RGS20: variants seen among roughly 807,000 people sequenced by gnomAD.
RGS20 encodes the protein regulator of G protein signaling 20.
Under a neutral mutation model 33.6 loss-of-function variants are expected in RGS20, and 30 were observed. The observed-to-expected ratio is 0.89, with a 90% CI of 0.67 to 1.21. RGS20 has a LOEUF of 1.21. Ranked by LOEUF, RGS20 falls within the 50% of genes most tolerant of loss-of-function variation. RGS20 has a pLI of 0.00. For missense variants in RGS20, 472 were observed against 502.4 expected, an observed-to-expected ratio of 0.94 and a Z score of 0.58; for synonymous variants, 208 against 197.9, an observed-to-expected ratio of 1.05 and a Z score of -0.43.
intron 2 of RGS20, among the ~76,000 whole-genome samples, chr8:53,918,450 G>A (rs989116080): frequency 6.6e-6 from 1 of 150,944 alleles, no homozygotes; most frequent in Non-Finnish European, 1.5e-5. Context: ...GTACAATGGT[G>A]CAATCTCAGC....
chr8:53,899,387 T>C (rs1194948330), intron 2 of RGS20, among the ~76,000 whole-genome samples: 1 of 152,262 alleles, frequency 6.6e-6, no homozygotes, highest in Non-Finnish European at 1.5e-5. Context: ...ACTCACAACC[T>C]GCATTTCTGT....
At chr8:53,858,937 T>C (rs915667037) in intron 1 of RGS20, among the ~76,000 whole-genome samples, 1 of 129,428 alleles carries the variant, frequency 7.7e-6, no homozygotes, top group Admixed American at 7.9e-5. Flanking sequence ...GCAGAGGAAG[T>C]GGGAAGTACT....
At chr8:53,938,048 G>A (rs1339056902) in intron 2 of RGS20, among the ~76,000 whole-genome samples, 3 of 152,164 alleles carry the variant, frequency 2.0e-5, no homozygotes, top group Non-Finnish European at 4.4e-5. Context: ...ATACCCAAAG[G>A]ATTAGAAATC....
chr8:53,915,849 C>T (rs1228630081), intron 2 of RGS20, among the ~76,000 whole-genome samples: 1 of 152,144 alleles, frequency 6.6e-6, no homozygotes, highest in Non-Finnish European at 1.5e-5. Context: ...GCCTCTCAGG[C>T]AGGTGTGGTT....
chr8:53,905,410 T>C (rs1391843098), intron 2 of RGS20, among the ~76,000 whole-genome samples: 1 of 152,240 alleles, frequency 6.6e-6, no homozygotes, highest in Admixed American at 6.5e-5. Flanking sequence ...GGTCTATTTG[T>C]GCTGAAGTCA....
At chr8:53,943,011 C>A (rs1814354385) in intron 3 of RGS20, among the ~76,000 whole-genome samples, 1 of 151,794 alleles carries the variant, frequency 6.6e-6, no homozygotes, top group South Asian at 2.1e-4. Flanking sequence ...TAAATAAATT[C>A]ATATGCTAGA....
intron 2 of RGS20, among the ~76,000 whole-genome samples, chr8:53,922,507 A>G (rs1455131385): frequency 6.6e-6 from 1 of 152,026 alleles, no homozygotes; most frequent in Non-Finnish European, 1.5e-5. Context: ...TCACATTGTC[A>G]TTGATCCATT....
At chr8:53,937,071 C>T (rs1438749141) in intron 2 of RGS20, among the ~76,000 whole-genome samples, 1 of 151,900 alleles carries the variant, frequency 6.6e-6, no homozygotes, top group Non-Finnish European at 1.5e-5. Context: ...GGTTCTCACT[C>T]ATAGGTGGGA....
At chr8:53,852,418 T>C (rs1332196890) in intron 1 of RGS20, among the ~76,000 whole-genome samples, 2 of 152,180 alleles carry the variant, frequency 1.3e-5, no homozygotes, top group African/African-American at 2.4e-5. Flanking sequence ...ACATCCCATA[T>C]AATAATGAAA....
chr8:53,947,818 A>T (rs1215668877), intron 4 of RGS20, among the ~76,000 whole-genome samples: 2 of 135,252 alleles, frequency 1.5e-5, no homozygotes, highest in Admixed American at 7.7e-5. Flanking sequence ...AGGATATAGT[A>T]TATACATTTA....
intron 3 of RGS20, among the ~76,000 whole-genome samples, chr8:53,944,275 C>T (rs1235021040): frequency 6.6e-6 from 1 of 152,176 alleles, no homozygotes; most frequent in Non-Finnish European, 1.5e-5. Context: ...CGCGATGGCT[C>T]ACGCCTGTAA....
At chr8:53,938,332 A>G (rs897782649) in intron 2 of RGS20, among the ~76,000 whole-genome samples, 1 of 152,206 alleles carries the variant, frequency 6.6e-6, no homozygotes, top group African/African-American at 2.4e-5. Context: ...GAATTAAACA[A>G]TGAAAACACA....
intron 2 of RGS20, among the ~76,000 whole-genome samples, chr8:53,935,531 T>C (rs1378995972): frequency 6.6e-6 from 1 of 152,006 alleles, no homozygotes; most frequent in Admixed American, 6.6e-5. Context: ...CCTGGACACA[T>C]ACACCCTCCC....
chr8:53,930,587 C>T (rs73589254), intron 2 of RGS20, among the ~76,000 whole-genome samples: 8,209 of 152,182 alleles, frequency 0.054, 647 homozygotes, highest in African/African-American at 0.18. Context: ...TCACTGTTGC[C>T]GAGGCTGGAG....
intron 2 of RGS20, among the ~76,000 whole-genome samples, chr8:53,890,100 A>G (rs1812671260): frequency 6.6e-6 from 1 of 152,074 alleles, no homozygotes; most frequent in Non-Finnish European, 1.5e-5. Flanking sequence ...AATCACAGAT[A>G]TGTTGGCCTT....
At chr8:53,921,027 T>G (rs1427187130) in intron 2 of RGS20, among the ~76,000 whole-genome samples, 3 of 152,260 alleles carry the variant, frequency 2.0e-5, no homozygotes, top group Non-Finnish European at 4.4e-5. Context: ...CCCAAAGTGC[T>G]GGGATAACAG....
At chr8:53,862,370 A>G (rs1811828723) in intron 1 of RGS20, among the ~76,000 whole-genome samples, 1 of 152,182 alleles carries the variant, frequency 6.6e-6, no homozygotes, top group South Asian at 2.1e-4. Flanking sequence ...ATAAAATCTG[A>G]GCAGGTGGGA....
intron 2 of RGS20, among the ~76,000 whole-genome samples, chr8:53,932,689 G>C (rs1008725389): frequency 2.6e-5 from 4 of 152,228 alleles, no homozygotes; most frequent in African/African-American, 9.6e-5. Context: ...GGAAGGGGCA[G>C]CTATGGGAGC....
At chr8:53,892,853 G>A (rs1812752460) in intron 2 of RGS20, among the ~76,000 whole-genome samples, 1 of 151,960 alleles carries the variant, frequency 6.6e-6, no homozygotes, top group Non-Finnish European at 1.5e-5. Flanking sequence ...TTTGAACAAT[G>A]TTCTTTTAAA....
Sources: gnomAD v4.1 joint callset for allele counts (sites outside exome capture counted in the v4.1 genomes callset) on GRCh38, gnomAD v4.1.1 for gene constraint, MANE v1.5 for transcripts, NCBI Gene and HGNC (gene_info 2026-07-23, HGNC 2026-07-21) for gene names.